The following TMTC3 variants were observed in gnomAD, a reference collection of about 807,000 sequenced individuals.
The protein encoded by TMTC3 is transmembrane O-mannosyltransferase targeting cadherins 3.
TMTC3 carries 52 observed loss-of-function variants against 92.2 expected under a neutral mutation model. That is an observed-to-expected ratio of 0.56 (90% confidence interval 0.45 to 0.71). TMTC3 has a LOEUF of 0.71. Among genes scored for constraint, TMTC3 ranks in the 30% least tolerant of loss-of-function variants. TMTC3 has a pLI of 0.00. For missense variants in TMTC3, 896 were observed against 1,057.1 expected, an observed-to-expected ratio of 0.85 and a Z score of 2.11; for synonymous variants, 339 against 363.3, an observed-to-expected ratio of 0.93 and a Z score of 0.76.
intron 10 of TMTC3, among the ~76,000 whole-genome samples, chr12:88,179,206 A>G (rs777422041): frequency 6.6e-6 from 1 of 152,118 alleles, no homozygotes. Context: ...GGCTTATTCC[A>G]TGTTTTTTTA....
chr12:88,192,271 A>G (rs2041452980), intron 12 of TMTC3, among the ~76,000 whole-genome samples: 1 of 151,922 alleles, frequency 6.6e-6, no homozygotes, highest in Non-Finnish European at 1.5e-5. Context: ...TTTCTGATGC[A>G]GTTTAGTCTG....
At chr12:88,172,430 A>T (rs1592737893) in intron 7 of TMTC3, among the ~76,000 whole-genome samples, 167 bp from the exon 8 acceptor site, 1 of 151,954 alleles carries the variant, frequency 6.6e-6, no homozygotes, top group East Asian at 1.9e-4. Flanking sequence ...CTTTATGTTT[A>T]AATTAATATT....
At chr12:88,167,630 A>G (rs1049740331) in intron 7 of TMTC3, among the ~76,000 whole-genome samples, 2 of 152,052 alleles carry the variant, frequency 1.3e-5, no homozygotes, top group African/African-American at 4.8e-5. Context: ...ACGTTTCCAG[A>G]GAACTTACAC....
chr12:88,164,064 C>T (rs1291749300), intron 6 of TMTC3, among the ~76,000 whole-genome samples: 4 of 151,570 alleles, frequency 2.6e-5, no homozygotes, highest in South Asian at 4.2e-4. Context: ...TGGTGGTGCA[C>T]GACTGATCCC....
intron 1 of TMTC3, among the ~76,000 whole-genome samples, chr12:88,144,426 T>TA (rs2138348892): frequency 6.6e-6 from 1 of 152,152 alleles, no homozygotes; most frequent in East Asian, 1.9e-4. Flanking sequence ...TTTCATTCGT[T>TA]ATAACTTATT....
At chr12:88,190,126 A>G (rs527316254) in intron 11 of TMTC3, among the ~76,000 whole-genome samples, 1 of 152,214 alleles carries the variant, frequency 6.6e-6, no homozygotes. Flanking sequence ...AAAAATGTGA[A>G]TAAAAATATT....
chr12:88,153,868 TTTA>T (rs1450910963), intron 3 of TMTC3, among the ~76,000 whole-genome samples: 1 of 152,082 alleles, frequency 6.6e-6, no homozygotes, highest in African/African-American at 2.4e-5. Flanking sequence ...ATTTTTCAGA[TTTA>T]TTATGAGATG....
rs1352192097 is a variant in TMTC3, at chr12:88,194,995, A to G, written c.2091A>G (p.Leu697=). Residue 697 remains leucine, a synonymous_variant, in exon 14 of 14, where the codon TTA becomes TTG. Transcript: ENST00000266712. The stretch of plus-strand genomic sequence containing the variant: ...TTTGGATGAAGAAAGCCATAAAGTT[A>G]CAAGCCGACTTCCGAAGTGCTTTGT... ...AEIWMKKAIK[L]QADFRSALFN... 6.2e-7 allele frequency: 1 copy of G among 1,613,876 alleles called. No homozygotes were observed. The highest frequency in any genetic ancestry group is 2.2e-5 in the East Asian group (1 of 44,796).
chr12:88,160,588 T>C (rs2041064678), intron 5 of TMTC3, 91 bp from the exon 6 acceptor site: 2 of 1,086,934 alleles, frequency 1.8e-6, no homozygotes, highest in African/African-American at 3.2e-5. Context: ...ATTATACTTG[T>C]ATCTAATCTT....
intron 2 of TMTC3, among the ~76,000 whole-genome samples, chr12:88,151,917 T>C (rs985720273): frequency 6.6e-6 from 1 of 152,164 alleles, no homozygotes; most frequent in African/African-American, 2.4e-5. Context: ...TAGTACATTA[T>C]GGAGTATATA....
In TMTC3 at chr12:88,190,617, T is replaced by G; in HGVS notation, c.1701T>G (p.Ile567Met). 6.2e-7 allele frequency: 1 copy of G among 1,613,568 alleles called. No homozygotes were observed. The highest frequency in any genetic ancestry group is 8.5e-7 in the Non-Finnish European group (1 of 1,179,700). ...SMRPDFKQAYISRGELLLKMN... is the reference protein window; with the variant it reads ...SMRPDFKQAYMSRGELLLKMN... ...GGCCCGACTTCAAGCAGGCTTACATTAGCAGGTATCCCAGTTCAACTTTAA... is the reference window on the plus strand; with the variant it reads ...GGCCCGACTTCAAGCAGGCTTACATGAGCAGGTATCCCAGTTCAACTTTAA... The change falls in exon 12 of 14, where the codon ATT becomes ATG. Residue 567 changes from isoleucine (I) to methionine (M), a missense_variant. Physicochemically the swap from Ile to Met is conservative, Grantham distance 10 (BLOSUM62 1). Transcript: ENST00000266712.
intron 10 of TMTC3, among the ~76,000 whole-genome samples, chr12:88,179,325 A>G (rs1362427996): frequency 6.6e-6 from 1 of 152,170 alleles, no homozygotes; most frequent in Non-Finnish European, 1.5e-5. Flanking sequence ...GTTAAGAGGG[A>G]CAACTAGTGT....
chr12:88,173,760 A>G (rs2041230010), intron 8 of TMTC3, among the ~76,000 whole-genome samples: 1 of 152,112 alleles, frequency 6.6e-6, no homozygotes, highest in African/African-American at 2.4e-5. Context: ...AAGGGCCATG[A>G]TAGACACTTT....
intron 1 of TMTC3, among the ~76,000 whole-genome samples, chr12:88,146,650 A>G (rs1236336799): frequency 6.7e-6 from 1 of 149,780 alleles, no homozygotes; most frequent in Non-Finnish European, 1.5e-5. Flanking sequence ...TATATGTAAA[A>G]TAAAGATATA....
At chr12:88,153,842 T>C (rs1235463508) in intron 3 of TMTC3, among the ~76,000 whole-genome samples, 1 of 152,120 alleles carries the variant, frequency 6.6e-6, no homozygotes, top group Non-Finnish European at 1.5e-5. Context: ...TAAAGTTTAT[T>C]GTCTTTTTAA....
intron 7 of TMTC3, among the ~76,000 whole-genome samples, chr12:88,167,738 T>C (rs908713324): frequency 1.3e-5 from 2 of 152,200 alleles, no homozygotes; most frequent in Admixed American, 1.3e-4. Flanking sequence ...CTTGAACATG[T>C]TGAGTTTGCA....
At chr12:88,158,101 A>G (rs1378142941) in intron 4 of TMTC3, among the ~76,000 whole-genome samples, 2 of 152,202 alleles carry the variant, frequency 1.3e-5, no homozygotes, top group African/African-American at 4.8e-5. Context: ...AAAAATGGGT[A>G]TGATTACATC....
chr12:88,187,178 A>AAAAG (rs1555234287), intron 10 of TMTC3, among the ~76,000 whole-genome samples: 4 of 150,772 alleles, frequency 2.7e-5, no homozygotes, highest in African/African-American at 9.8e-5. Flanking sequence ...AAAAAAAAAA[A>AAAAG]AAAAGATATA....
At chr12:88,191,984 C>T (rs577437678) in intron 12 of TMTC3, among the ~76,000 whole-genome samples, 1 of 150,810 alleles carries the variant, frequency 6.6e-6, no homozygotes, top group East Asian at 2.0e-4. Context: ...GCTGGGATTA[C>T]AGGAACGAGC....
Sources: gnomAD v4.1 joint callset for allele counts (sites outside exome capture counted in the v4.1 genomes callset) on GRCh38, gnomAD v4.1.1 for gene constraint, MANE v1.5 for transcripts, NCBI Gene and HGNC (gene_info 2026-07-23, HGNC 2026-07-21) for gene names.